The following BAZ1A variants were observed in gnomAD, a reference collection of about 807,000 sequenced individuals.
BAZ1A encodes bromodomain adjacent to zinc finger domain protein 1A.
A neutral mutation model predicts 185.2 loss-of-function variants in BAZ1A; 50 were observed. The ratio of observed to expected loss-of-function variants is 0.27; its 90% CI spans 0.22 to 0.34. BAZ1A has a LOEUF of 0.34. Among genes scored for constraint, BAZ1A ranks in the 10% least tolerant of loss-of-function variants. The pLI is 1.00. For missense variants in BAZ1A, 1,356 were observed against 1,839.9 expected, an observed-to-expected ratio of 0.74 and a Z score of 4.81; for synonymous variants, 571 against 615.6, an observed-to-expected ratio of 0.93 and a Z score of 1.07.
intron 2 of BAZ1A, among the ~76,000 whole-genome samples, chr14:34,870,367 C>A (rs1397434727): frequency 6.6e-6 from 1 of 152,148 alleles, no homozygotes; most frequent in African/African-American, 2.4e-5. Context: ...TTTAAAGACA[C>A]TAGCTAAGAA....
At chr14:34,820,122 G>A (rs1401760504) in intron 4 of BAZ1A, among the ~76,000 whole-genome samples, 3 of 80,644 alleles carry the variant, frequency 3.7e-5, no homozygotes, top group African/African-American at 1.5e-4. Flanking sequence ...TGGGTTCCTC[G>A]TTTTTTTTTT....
chr14:34,781,819 A>G (rs1880060520), intron 16 of BAZ1A, among the ~76,000 whole-genome samples: 1 of 152,096 alleles, frequency 6.6e-6, no homozygotes, highest in Non-Finnish European at 1.5e-5. Context: ...TTTAGCATAT[A>G]TTTTCAAAGT....
chr14:34,818,198 C>T (rs1472267496), intron 4 of BAZ1A, among the ~76,000 whole-genome samples: 2 of 152,114 alleles, frequency 1.3e-5, no homozygotes, highest in East Asian at 1.9e-4. Flanking sequence ...TACGGATGAA[C>T]CCTGAAAACA....
chr14:34,835,475 T>A (rs1292636230), intron 3 of BAZ1A, among the ~76,000 whole-genome samples: 2 of 151,676 alleles, frequency 1.3e-5, no homozygotes, highest in Admixed American at 1.3e-4. Flanking sequence ...ATTATTAGAG[T>A]TGAAGGGAAT....
chr14:34,803,429 A>C (rs1322102913), intron 6 of BAZ1A, among the ~76,000 whole-genome samples: 1 of 151,802 alleles, frequency 6.6e-6, no homozygotes, highest in Non-Finnish European at 1.5e-5. Flanking sequence ...AATTTTATGC[A>C]TTATTGTGTA....
intron 3 of BAZ1A, among the ~76,000 whole-genome samples, chr14:34,848,389 T>C (rs928843586): frequency 2.6e-5 from 4 of 152,082 alleles, no homozygotes; most frequent in African/African-American, 9.7e-5. Flanking sequence ...GAGGACCACC[T>C]GAGGTCAGGA....
At chr14:34,784,445 T>A (rs1880288086) in intron 14 of BAZ1A, among the ~76,000 whole-genome samples, 1 of 150,204 alleles carries the variant, frequency 6.7e-6, no homozygotes, top group South Asian at 2.1e-4. Flanking sequence ...GCATTTCAAA[T>A]GTCTATCTTG....
chr14:34,807,440 T>G lies in BAZ1A; in HGVS notation c.726+11A>C. The stretch of plus-strand genomic sequence containing the variant: ...TCTGTCTTCCAACAAATAATTTCAT[T>G]ATTTGATTACCTTTATTTTAATGAC... On this transcript the variant is annotated intron_variant, in intron 6 of 26. Coordinates refer to ENST00000360310, the MANE Select transcript of BAZ1A (RefSeq NM_013448.3). 1 of 1,578,066 alleles carries G rather than the reference T, an allele frequency of 6.3e-7. No individual in the cohort carries two copies. The highest frequency in any genetic ancestry group is 1.1e-5 in the South Asian group (1 of 88,330).
At chr14:34,775,390 T>C (rs1385376505) in intron 18 of BAZ1A, among the ~76,000 whole-genome samples, 1 of 152,216 alleles carries the variant, frequency 6.6e-6, no homozygotes, top group Non-Finnish European at 1.5e-5. Context: ...ACCTAGAGAA[T>C]CTAATTTATT....
In BAZ1A at chr14:34,764,810, C is replaced by T; in HGVS notation, c.3673G>A (p.Glu1225Lys). 6.2e-7 allele frequency: 1 copy of T among 1,613,534 alleles called. No individual in the cohort carries two copies. Among genetic ancestry groups the T allele is most frequent in the South Asian group, 1.1e-5 (1 of 91,074 alleles). Residue 1225 changes from glutamate (E) to lysine (K), a missense_variant, in exon 23 of 27, where the codon GAG (glutamate) becomes AAG (lysine). Glu to Lys is a moderately conservative substitution (Grantham distance 56, BLOSUM62 1). Coordinates refer to ENST00000360310, the MANE Select transcript of BAZ1A (RefSeq NM_013448.3). ...DEDVEDSMGG[E>K]DDEVDGDEEE... ...TCATCGCCATCAACTTCATCATCCT[C>T]ACCTCCCATACTGTCTTCCACATCT...
At chr14:34,799,019 T>C (rs1233642447) in intron 9 of BAZ1A, among the ~76,000 whole-genome samples, 1 of 151,820 alleles carries the variant, frequency 6.6e-6, no homozygotes, top group Non-Finnish European at 1.5e-5. Flanking sequence ...ATTAAGAAAA[T>C]GTGGTGCATA....
intron 2 of BAZ1A, among the ~76,000 whole-genome samples, chr14:34,868,764 G>A (rs1172556319): frequency 6.6e-6 from 1 of 151,728 alleles, no homozygotes; most frequent in East Asian, 1.9e-4. Flanking sequence ...TGGAGCCACT[G>A]CACTCCAGCC....
intron 20 of BAZ1A, among the ~76,000 whole-genome samples, 171 bp downstream of exon 20, chr14:34,773,401 A>T (rs1371250246): frequency 6.6e-6 from 1 of 151,958 alleles, no homozygotes; most frequent in East Asian, 1.9e-4. Flanking sequence ...GGAGTAACAG[A>T]GATCCTGAGG....
chr14:34,786,280 A>G (rs1880432713), intron 12 of BAZ1A, 59 bp from the exon 13 acceptor site: 17 of 1,464,770 alleles, frequency 1.2e-5, no homozygotes, highest in Non-Finnish European at 1.6e-5. Flanking sequence ...TTTGGGAATA[A>G]TGCCCGTTTT....
At chr14:34,797,029 T>C (rs1277291376) in intron 9 of BAZ1A, among the ~76,000 whole-genome samples, 3 of 151,700 alleles carry the variant, frequency 2.0e-5, no homozygotes, top group Non-Finnish European at 4.4e-5. Flanking sequence ...TCCTGGGACA[T>C]AGTCCAAAAA....
chr14:34,764,724 T>G lies in BAZ1A; in HGVS notation c.3759A>C (p.Gln1253His). ...GGACTTACCTGACTTCTTCCTCTTC[T>G]TGAGAGTCATCTTCATCTTGTTCTA... ...YEVEQDEDDS[Q>H]EEEEVSLPKR... Residue 1253 changes from glutamine to histidine, a missense_variant, in exon 23 of 27, where the codon CAA becomes CAC. This residue lies in a region of BAZ1A where 309 missense variants were observed against 355.3 expected (regional missense o/e 0.87). Transcript: ENST00000360310. 1 of 1,609,546 alleles carries G rather than the reference T, an allele frequency of 6.2e-7. No homozygotes were observed. The highest frequency in any genetic ancestry group is 1.1e-5 in the South Asian group (1 of 90,800).
In BAZ1A at chr14:34,803,053, T is replaced by C. The variant is rs769763150; in HGVS notation, c.727-65A>G. ...TAGTAAACAACATACAGATATGCCCTAACATGTCATATGGCCACTATTAAT... is the reference window on the plus strand; with the variant it reads ...TAGTAAACAACATACAGATATGCCCCAACATGTCATATGGCCACTATTAAT... On this transcript the variant is annotated intron_variant, in intron 6 of 26. Transcript: ENST00000360310. 3.4e-6 allele frequency: 5 copies of C among 1,453,124 alleles called. No homozygotes were observed. In the Admixed American group the frequency reaches 5.2e-5, roughly 15 times the overall value. The allele number at this position is 1,453,124 out of a possible 1,614,324, so 90.0% of individuals were successfully genotyped here.
chr14:34,786,796 C>CA, intron 12 of BAZ1A, among the ~76,000 whole-genome samples: 1 of 151,524 alleles, frequency 6.6e-6, no homozygotes, highest in East Asian at 2.0e-4. Context: ...TTAGTAGAGA[C>CA]GGGTTTTCAC....
rs112490518 is a variant in BAZ1A, at chr14:34,774,351, G to A, written c.2973C>T (p.Tyr991=). 4.4e-3 allele frequency: 7,029 copies of A among 1,612,568 alleles called. 28 individuals carry two copies. Among genetic ancestry groups the A allele is most frequent in the Non-Finnish European group, 4.2e-3 (4,992 of 1,179,568 alleles). ...DFLLDIEDRI[Y]QGTLGAIKVT... is the part of the protein sequence containing the mutation. ...CCTTGATGGCTCCTAATGTTCCTTG[G>A]TAGATTCTATCTTCAATATCTAAAA... is the stretch of plus-strand genomic sequence containing the variant. The change falls in exon 19 of 27, where the codon TAC becomes TAT. Residue 991 remains tyrosine (Y), a synonymous_variant. Transcript: ENST00000360310.
Sources: gnomAD v4.1 joint callset for allele counts (sites outside exome capture counted in the v4.1 genomes callset) on GRCh38, gnomAD v4.1.1 for gene constraint, gnomAD v4.1.1 regional missense constraint, MANE v1.5 for transcripts, NCBI Gene and HGNC (gene_info 2026-07-23, HGNC 2026-07-21) for gene names.